Variants in SAMD12 observed in about 807,000 individuals in gnomAD.
SAMD12 encodes sterile alpha motif domain-containing protein 12.
SAMD12 carries 9 observed loss-of-function variants against 15.0 expected under a neutral mutation model. The observed-to-expected ratio is 0.60, with a 90% CI of 0.36 to 1.05. The LOEUF (loss-of-function observed/expected upper bound fraction) is 1.05, where lower values mean the gene tolerates loss of function less well. Among genes scored for constraint, SAMD12 ranks in the 50% least tolerant of loss-of-function variants. The pLI is 0.01. For synonymous variants in SAMD12, 86 were observed against 90.1 expected (o/e 0.96, Z 0.25); for missense variants, 230 against 234.2 (o/e 0.98, Z 0.12).
At position 118,541,292 on chromosome 8, in the gene SAMD12, C is replaced by T. The variant is rs187131086; in HGVS notation, c.192+39423G>A. Among the ~76,000 whole-genome samples, 95 of 152,278 alleles carry T rather than the reference C, an allele frequency of 6.2e-4. 2 individuals are homozygous for T. The East Asian group carries it at 6.4e-3, about 10-fold the overall frequency. On this transcript the variant is annotated intron_variant, in intron 2 of 3. Transcript: ENST00000314727. ...GAGATTTCAATCCATGCCTTTCTGG[C>T]TCTAAGCCTTACCCTTCCTCAAGTA...
chr8:118,324,835 C>A (rs1029411099), intron 4 of SAMD12, among the ~76,000 whole-genome samples: 2 of 152,092 alleles, frequency 1.3e-5, no homozygotes, highest in Non-Finnish European at 2.9e-5. Flanking sequence ...GTGCAGTAAG[C>A]GGAGGTCATG....
chr8:118,432,058 G>A (rs1003542491), intron 3 of SAMD12, among the ~76,000 whole-genome samples: 8 of 152,120 alleles, frequency 5.3e-5, no homozygotes, highest in East Asian at 1.9e-4. Context: ...ACTCTTACTC[G>A]CTATCACAGT....
At chr8:118,450,367 G>C (rs1262738355) in intron 2 of SAMD12, among the ~76,000 whole-genome samples, 1 of 152,196 alleles carries the variant, frequency 6.6e-6, no homozygotes, top group African/African-American at 2.4e-5. Flanking sequence ...GAGAAATATG[G>C]AGGGAGAGGA....
chr8:118,576,691 C>G (rs72678163), intron 2 of SAMD12, among the ~76,000 whole-genome samples: 7,605 of 152,258 alleles, frequency 0.05, 278 homozygotes, highest in Non-Finnish European at 0.082. Flanking sequence ...TCCCATAGGG[C>G]TGGTTTTTTG....
chr8:118,203,770 C>T (rs921658280), intron 4 of SAMD12, among the ~76,000 whole-genome samples: 6 of 142,406 alleles, frequency 4.2e-5, no homozygotes, highest in Non-Finnish European at 9.2e-5. Flanking sequence ...TGTGATGTTC[C>T]CCTTCCTGTG....
At chr8:118,153,462 G>A in the SAMD12 span, among the ~76,000 whole-genome samples, 1 of 152,116 alleles carries the variant, frequency 6.6e-6, no homozygotes, top group Non-Finnish European at 1.5e-5. Context: ...CAAAGCATGT[G>A]GACAGAGAGG....
chr8:118,561,917 A>G (rs1826712108), intron 2 of SAMD12, among the ~76,000 whole-genome samples: 1 of 152,234 alleles, frequency 6.6e-6, no homozygotes, highest in Admixed American at 6.5e-5. Flanking sequence ...TTTTGTTCAG[A>G]AAGCTATAAA....
intron 1 of SAMD12, among the ~76,000 whole-genome samples, chr8:118,618,939 T>C (rs1469555037): frequency 1.3e-5 from 2 of 152,316 alleles, no homozygotes; most frequent in East Asian, 3.9e-4. Flanking sequence ...GTTAAGCAAT[T>C]CGAACTGTAT....
chr8:118,349,591 T>C (rs1387394123), intron 4 of SAMD12, among the ~76,000 whole-genome samples: 1 of 150,200 alleles, frequency 6.7e-6, no homozygotes, highest in Non-Finnish European at 1.5e-5. Context: ...CAGGCTTCCA[T>C]GGTGCTGTGC....
At chr8:118,425,085 C>G (rs1009103354) in intron 3 of SAMD12, among the ~76,000 whole-genome samples, 1 of 151,864 alleles carries the variant, frequency 6.6e-6, no homozygotes, top group Admixed American at 6.6e-5. Context: ...ACTACAGGCG[C>G]CCGCCACCAC....
rs912685329 is a variant in SAMD12 at position 118,396,387 on chromosome 8, G to C, written c.323-16687C>G. Among the ~76,000 whole-genome samples the C allele has an allele frequency of 2.6e-5, 4 of 152,186 alleles. 1 individual carries two copies. Among genetic ancestry groups the C allele is most frequent in the African/African-American group, 9.6e-5 (4 of 41,520 alleles). On this transcript the variant is annotated intron_variant, in intron 3 of 3. Transcript: ENST00000314727. ...TTACATAAAGGTGTACCTTGTGTAG[G>C]CTTCCATTGTTACACCTACTCGATT... is the stretch of plus-strand genomic sequence containing the variant.
chr8:118,137,299 A>G, the SAMD12 span, among the ~76,000 whole-genome samples: 1 of 152,226 alleles, frequency 6.6e-6, no homozygotes, highest in Admixed American at 6.5e-5. Context: ...GCCCCCAGTC[A>G]GAGGCTGAAG....
Position 118,554,508 on chromosome 8 carries a change from G to T in SAMD12, c.192+26207C>A, listed in dbSNP as rs1826460212. ...TGAGAACACATGGACACAGGAAGGG[G>T]AACATCACACTCTGGGGACTGCTGT... On this transcript the variant is annotated intron_variant, in intron 2 of 3. Coordinates refer to ENST00000314727, the MANE Select transcript of SAMD12 (RefSeq NM_207506.3). Among the ~76,000 whole-genome samples the T allele has an allele frequency of 2.1e-5, 3 of 140,252 alleles. 1 individual carries two copies. In the South Asian group the frequency reaches 6.8e-4, roughly 32 times the overall value. 92.0% of individuals were successfully genotyped at this position (140,252 alleles called of 152,430 possible).
chr8:118,553,998 A>C (rs984390477), intron 2 of SAMD12, among the ~76,000 whole-genome samples: 10 of 152,300 alleles, frequency 6.6e-5, no homozygotes, highest in African/African-American at 1.9e-4. Flanking sequence ...ATCTCACACC[A>C]GTTAGAATGG....
chr8:118,516,434 G>A (rs1005578871), intron 2 of SAMD12, among the ~76,000 whole-genome samples: 1 of 152,150 alleles, frequency 6.6e-6, no homozygotes, highest in Middle Eastern at 3.2e-3. Flanking sequence ...TAGTTGCTCA[G>A]TGCAGGGAAA....
In SAMD12 at chr8:118,378,568, A is replaced by G. The variant is rs1436945047; in HGVS notation, c.*849T>C. On this transcript the variant is annotated 3_prime_UTR_variant, in exon 4 of 4. Transcript: ENST00000314727. ...AGGCAAATGGACTATTACTAGGTTA[A>G]TCTAAATGCAATAACATGAAACTTG... is the stretch of plus-strand genomic sequence containing the variant. 1.0e-6 allele frequency: 1 copy of G among 985,108 alleles called. No individual in the cohort carries two copies. The highest frequency in any genetic ancestry group is 1.7e-5 in the African/African-American group (1 of 57,230). 61.0% of individuals were successfully genotyped at this position (985,108 alleles called of 1,614,324 possible).
intron 2 of SAMD12, among the ~76,000 whole-genome samples, chr8:118,567,675 G>A (rs1487600518): frequency 6.6e-6 from 1 of 152,202 alleles, no homozygotes; most frequent in Non-Finnish European, 1.5e-5. Flanking sequence ...GTAGCCAGAT[G>A]TCATTTCAAC....
chr8:118,292,411 CAGATTCAT>C (rs1194816728), intron 4 of SAMD12, among the ~76,000 whole-genome samples: 1 of 138,112 alleles, frequency 7.2e-6, no homozygotes, highest in Admixed American at 7.7e-5. Context: ...GCAGTGTTCA[CAGATTCAT>C]AGAAAAAACA....
intron 2 of SAMD12, among the ~76,000 whole-genome samples, chr8:118,492,381 C>T (rs1824466336): frequency 6.6e-6 from 1 of 152,104 alleles, no homozygotes; most frequent in African/African-American, 2.4e-5. Flanking sequence ...TTGACAGAAA[C>T]ATGTATTGCA....
Sources: allele counts gnomAD v4.1 joint callset (sites outside exome capture counted in the v4.1 genomes callset), GRCh38; gene constraint gnomAD v4.1.1; transcripts MANE v1.5; gene names NCBI Gene and HGNC (gene_info 2026-07-23, HGNC 2026-07-21).